Variants in RARB observed in about 807,000 individuals in gnomAD.
RARB encodes the protein retinoic acid receptor beta.
A neutral mutation model predicts 51.9 loss-of-function variants in RARB; 17 were observed. The ratio of observed to expected loss-of-function variants is 0.33; its 90% CI spans 0.22 to 0.49. The LOEUF (loss-of-function observed/expected upper bound fraction) is 0.49. RARB is among the 20% of genes least tolerant of loss of function. RARB has a pLI of 0.99. For missense variants in RARB, 369 were observed against 550.8 expected, an observed-to-expected ratio of 0.67 and a Z score of 3.30; for synonymous variants, 215 against 195.4, an observed-to-expected ratio of 1.10 and a Z score of -0.84.
At chr3:25,542,356 C>T in intron 3 of RARB, among the ~76,000 whole-genome samples, 1 of 152,202 alleles carries the variant, frequency 6.6e-6, no homozygotes. Flanking sequence ...CTCCTCATCC[C>T]CTGTAATAAG....
At chr3:25,552,887 A>G (rs1279518012) in intron 3 of RARB, among the ~76,000 whole-genome samples, 1 of 152,108 alleles carries the variant, frequency 6.6e-6, no homozygotes, top group Non-Finnish European at 1.5e-5. Context: ...CATGGTCTCT[A>G]CTTTAAGTAT....
At chr3:25,135,951 T>C (rs1008658982) in intron 4 of RARB, among the ~76,000 whole-genome samples, 5 of 151,694 alleles carry the variant, frequency 3.3e-5, no homozygotes, top group Admixed American at 2.6e-4. Flanking sequence ...AAAAGAAATA[T>C]AAAATTTTAA....
intron 2 of RARB, among the ~76,000 whole-genome samples, chr3:24,920,038 T>C (rs1256194344): frequency 1.3e-5 from 2 of 152,230 alleles, no homozygotes; most frequent in East Asian, 3.8e-4. Flanking sequence ...AGGATGCTAG[T>C]CATACAAACC....
At chr3:25,050,480 T>G (rs1424672657) in intron 2 of RARB, among the ~76,000 whole-genome samples, 3 of 152,200 alleles carry the variant, frequency 2.0e-5, no homozygotes, top group Non-Finnish European at 4.4e-5. Context: ...GTGAAGTGAT[T>G]TGATTTTCGA....
intron 2 of RARB, among the ~76,000 whole-genome samples, chr3:24,909,516 A>G (rs1476202934): frequency 5.3e-5 from 8 of 151,830 alleles, no homozygotes; most frequent in Admixed American, 5.2e-4. Flanking sequence ...ACTCAGTATC[A>G]CTAGGTGTTC....
At chr3:24,981,661 A>G (rs1037238937) in intron 2 of RARB, among the ~76,000 whole-genome samples, 1 of 152,102 alleles carries the variant, frequency 6.6e-6, no homozygotes, top group Non-Finnish European at 1.5e-5. Context: ...TTTGGGCAGG[A>G]GTGCATGGCT....
intron 3 of RARB, among the ~76,000 whole-genome samples, chr3:25,061,407 T>G (rs1698546685): frequency 6.6e-6 from 1 of 151,908 alleles, no homozygotes. Context: ...ATCTATTGGG[T>G]AAGTTCAGTT....
intron 3 of RARB, among the ~76,000 whole-genome samples, chr3:25,085,585 A>G (rs1699090630): frequency 6.6e-6 from 1 of 152,024 alleles, no homozygotes; most frequent in African/African-American, 2.4e-5. Flanking sequence ...AATTCAATTC[A>G]TTTATCTTCC....
intron 1 of RARB, among the ~76,000 whole-genome samples, chr3:25,439,002 C>T (rs933079601): frequency 6.6e-6 from 1 of 152,160 alleles, no homozygotes; most frequent in African/African-American, 2.4e-5. Flanking sequence ...CTAGTCACTG[C>T]TGTAGCTCAG....
At chr3:25,412,741 C>A (rs577624630) in intron 5 of RARB, among the ~76,000 whole-genome samples, 57 of 152,234 alleles carry the variant, frequency 3.7e-4, no homozygotes, top group African/African-American at 1.3e-3. Flanking sequence ...GACCATGGGC[C>A]GGGGGCAGTG....
At chr3:25,443,190 T>TCTA (rs1708775376) in intron 1 of RARB, among the ~76,000 whole-genome samples, 1 of 152,124 alleles carries the variant, frequency 6.6e-6, no homozygotes, top group African/African-American at 2.4e-5. Context: ...TCAAAACACC[T>TCTA]CTAGTAAACT....
intron 2 of RARB, among the ~76,000 whole-genome samples, chr3:25,462,829 G>A (rs892878941): frequency 1.3e-5 from 2 of 152,246 alleles, no homozygotes; most frequent in South Asian, 2.1e-4. Flanking sequence ...CATCAGGCTG[G>A]CCCTGGCTTG....
intron 2 of RARB, among the ~76,000 whole-genome samples, chr3:25,468,284 G>A (rs976773502): frequency 6.6e-6 from 1 of 151,676 alleles, no homozygotes; most frequent in African/African-American, 2.4e-5. Context: ...GGAGTAAGAG[G>A]TCTCCAGTGT....
chr3:24,965,126 G>A (rs954316843), intron 2 of RARB, among the ~76,000 whole-genome samples: 6 of 152,124 alleles, frequency 3.9e-5, no homozygotes, highest in Admixed American at 2.6e-4. Context: ...GTTTACTAAG[G>A]TTCACTTCTG....
chr3:25,542,886 T>C (rs914634792), intron 3 of RARB, among the ~76,000 whole-genome samples: 1 of 152,322 alleles, frequency 6.6e-6, no homozygotes, highest in Middle Eastern at 3.4e-3. Flanking sequence ...TGTTTGCAGA[T>C]AGGGAATCAG....
chr3:25,323,443 G>A (rs1002858162), intron 5 of RARB, among the ~76,000 whole-genome samples: 4 of 152,152 alleles, frequency 2.6e-5, no homozygotes, highest in Admixed American at 1.3e-4. Context: ...ACATTCATAC[G>A]CAACAAAACA....
At chr3:24,895,268 A>G (rs753803891) in intron 2 of RARB, among the ~76,000 whole-genome samples, 1 of 152,232 alleles carries the variant, frequency 6.6e-6, no homozygotes, top group Non-Finnish European at 1.5e-5. Flanking sequence ...GATTTGGTCA[A>G]TATATTTAGT....
At chr3:25,252,431 A>C (rs150637578) in intron 5 of RARB, among the ~76,000 whole-genome samples, 1 of 152,308 alleles carries the variant, frequency 6.6e-6, no homozygotes, top group Non-Finnish European at 1.5e-5. Flanking sequence ...CTGTAGATCA[A>C]TTAGGTAAAT....
intron 2 of RARB, among the ~76,000 whole-genome samples, chr3:24,983,520 C>G (rs965422378): frequency 6.6e-6 from 1 of 152,234 alleles, no homozygotes; most frequent in Admixed American, 6.5e-5. Flanking sequence ...TGTCCTAATG[C>G]TCTCCCTCCC....
Sources: gnomAD v4.1 joint callset for allele counts (sites outside exome capture counted in the v4.1 genomes callset) on GRCh38, gnomAD v4.1.1 for gene constraint, MANE v1.5 for transcripts, NCBI Gene and HGNC (gene_info 2026-07-23, HGNC 2026-07-21) for gene names.